Variants in ACBD6 observed in about 807,000 individuals in gnomAD.
The protein encoded by ACBD6 is acyl-CoA-binding domain-containing protein 6.
In ACBD6, 28 loss-of-function variants were observed where a neutral mutation model predicts 37.2. The observed-to-expected ratio is 0.75, with a 90% CI of 0.56 to 1.03. The LOEUF is 1.03. Ranked by LOEUF, ACBD6 falls within the 50% of genes least tolerant of loss-of-function variation. ACBD6 has a pLI of 0.00. For synonymous variants in ACBD6, 113 were observed against 126.8 expected (o/e 0.89, Z 0.73); for missense variants, 340 against 337.4 (o/e 1.01, Z -0.06).
At chr1:180,336,652 T>C (rs1036494561) in intron 6 of ACBD6, among the ~76,000 whole-genome samples, 5 of 149,698 alleles carry the variant, frequency 3.3e-5, no homozygotes, top group African/African-American at 1.2e-4. Flanking sequence ...AGGCAAGAAA[T>C]AACTAAGATC....
At position 180,327,575 on chromosome 1, in the gene ACBD6, G is replaced by A. The variant is rs139388218; in HGVS notation, c.664-12853C>T. On this transcript the variant is annotated intron_variant, in intron 6 of 7. Coordinates refer to ENST00000367595, the MANE Select transcript of ACBD6 (RefSeq NM_032360.4). ...GGTGTTCCTGCTGGGGCGACAATTG[G>A]TGGAGGGGCCTATTTGGCAATCTTG... Among the ~76,000 whole-genome samples the A allele has an allele frequency of 5.8e-3, 878 of 152,316 alleles. 6 individuals carry two copies. Among genetic ancestry groups the A allele is most frequent in the African/African-American group, 0.02 (832 of 41,562 alleles).
chr1:180,313,720 A>C (rs898350290), intron 7 of ACBD6, among the ~76,000 whole-genome samples: 1 of 152,150 alleles, frequency 6.6e-6, no homozygotes, highest in Non-Finnish European at 1.5e-5. Context: ...TTTTCTTTGG[A>C]GACAGGGTCT....
chr1:180,312,100 T>C (rs1650616096), intron 7 of ACBD6, among the ~76,000 whole-genome samples: 1 of 152,220 alleles, frequency 6.6e-6, no homozygotes. Context: ...AGGGCAAAGC[T>C]TGTTAAATTC....
chr1:180,443,853 G>C (rs573972791), intron 3 of ACBD6, among the ~76,000 whole-genome samples: 122 of 148,896 alleles, frequency 8.2e-4, no homozygotes, highest in African/African-American at 2.8e-3. Flanking sequence ...TCGATCTCCT[G>C]ACCTCGTGAT....
chr1:180,474,742 G>A (rs1340019955), intron 3 of ACBD6, among the ~76,000 whole-genome samples: 1 of 152,200 alleles, frequency 6.6e-6, no homozygotes, highest in Non-Finnish European at 1.5e-5. Flanking sequence ...TTAAGTCTGT[G>A]TTATATAATT....
chr1:180,419,938 A>G (rs865876894), intron 4 of ACBD6, among the ~76,000 whole-genome samples: 8 of 152,164 alleles, frequency 5.3e-5, no homozygotes, highest in African/African-American at 1.4e-4. Flanking sequence ...TTGTTTCTCT[A>G]AAAGTTTTTA....
chr1:180,411,360 C>A (rs772700031), intron 5 of ACBD6, among the ~76,000 whole-genome samples: 20 of 152,194 alleles, frequency 1.3e-4, no homozygotes, highest in Non-Finnish European at 2.4e-4. Context: ...TGCTATCAAA[C>A]AGCATTGCAT....
intron 6 of ACBD6, among the ~76,000 whole-genome samples, chr1:180,339,061 G>A (rs1008782182): frequency 1.6e-4 from 24 of 152,208 alleles, no homozygotes; most frequent in African/African-American, 2.7e-4. Context: ...GGAGAAACAG[G>A]AACACTTTTA....
intron 4 of ACBD6, among the ~76,000 whole-genome samples, chr1:180,420,244 C>A (rs1648299394): frequency 6.6e-6 from 1 of 152,210 alleles, no homozygotes; most frequent in African/African-American, 2.4e-5. Context: ...CCCCGCCCTG[C>A]CACACATTTT....
intron 6 of ACBD6, among the ~76,000 whole-genome samples, chr1:180,352,149 C>T (rs1037591500): frequency 1.3e-5 from 2 of 151,872 alleles, no homozygotes; most frequent in Non-Finnish European, 2.9e-5. Flanking sequence ...GTGGGGATAA[C>T]GGGCATTTAT....
At chr1:180,343,159 C>A (rs2149307222) in intron 6 of ACBD6, among the ~76,000 whole-genome samples, 1 of 151,838 alleles carries the variant, frequency 6.6e-6, no homozygotes, top group South Asian at 2.1e-4. Context: ...AACAAAATTA[C>A]ATAATAGAGT....
chr1:180,337,545 T>C (rs1348495471), intron 6 of ACBD6, among the ~76,000 whole-genome samples: 1 of 152,150 alleles, frequency 6.6e-6, no homozygotes, highest in Non-Finnish European at 1.5e-5. Context: ...ACAGCCAATA[T>C]CATACTGAAT....
chr1:180,278,926 G>A (rs1649209538), intron 9 of ACBD6: 1 of 152,176 alleles, frequency 6.6e-6, no homozygotes, highest in African/African-American at 2.4e-5. Context: ...TGCCTCCTGT[G>A]TGTTGGCATG....
chr1:180,442,371 T>C (rs952946106), intron 3 of ACBD6, among the ~76,000 whole-genome samples: 2 of 152,154 alleles, frequency 1.3e-5, no homozygotes, highest in African/African-American at 4.8e-5. Context: ...CGCAGTGCTA[T>C]TGACATCTAG....
At chr1:180,358,531 C>T (rs1571404995) in intron 6 of ACBD6, among the ~76,000 whole-genome samples, 1 of 142,100 alleles carries the variant, frequency 7.0e-6, no homozygotes, top group South Asian at 2.3e-4. Context: ...AAAAAAGTAA[C>T]ATTAGCAATA....
chr1:180,361,658 C>T (rs1178845156), intron 6 of ACBD6, among the ~76,000 whole-genome samples: 1 of 152,032 alleles, frequency 6.6e-6, no homozygotes, highest in Admixed American at 6.6e-5. Flanking sequence ...CAGTATCTAG[C>T]AAAAACAGAT....
chr1:180,432,805 G>C (rs1297920431), intron 3 of ACBD6, among the ~76,000 whole-genome samples: 1 of 151,624 alleles, frequency 6.6e-6, no homozygotes, highest in Non-Finnish European at 1.5e-5. Context: ...GGATAACCTA[G>C]AAGAAATGAA....
At chr1:180,296,704 T>C (rs577618241) in intron 7 of ACBD6, among the ~76,000 whole-genome samples, 3 of 152,022 alleles carry the variant, frequency 2.0e-5, no homozygotes, top group South Asian at 4.2e-4. Context: ...GTGCTGGGAT[T>C]ACAGGCATGA....
At chr1:180,429,544 C>CT (rs573813313) in intron 4 of ACBD6, among the ~76,000 whole-genome samples, 126 of 152,236 alleles carry the variant, frequency 8.3e-4, no homozygotes, top group African/African-American at 2.9e-3. Context: ...GTATAGAATG[C>CT]TGCTATGAAC....
Sources: gnomAD v4.1 joint callset for allele counts (sites outside exome capture counted in the v4.1 genomes callset) on GRCh38, gnomAD v4.1.1 for gene constraint, MANE v1.5 for transcripts, NCBI Gene and HGNC (gene_info 2026-07-23, HGNC 2026-07-21) for gene names.